Variants in CRYBG1 observed in about 807,000 individuals in gnomAD.
CRYBG1 encodes the protein beta/gamma crystallin domain-containing protein 1.
A neutral mutation model predicts 189.2 loss-of-function variants in CRYBG1; 139 were observed. That is an observed-to-expected ratio of 0.73 (90% CI 0.64 to 0.85). The LOEUF is 0.85. CRYBG1 is among the 40% of genes least tolerant of loss of function. The pLI is 0.00. For synonymous variants in CRYBG1, 1,023 were observed against 1,017.1 expected (o/e 1.01, Z -0.11); for missense variants, 2,611 against 2,675.8 (o/e 0.98, Z 0.53).
In CRYBG1 at chr6:106,512,865, A is replaced by T; in HGVS notation, c.1748A>T (p.Lys583Met). 1 of 1,590,850 alleles carries T rather than the reference A, an allele frequency of 6.3e-7. No homozygotes were observed. The highest frequency in any genetic ancestry group is 8.6e-7 in the Non-Finnish European group (1 of 1,168,982). ...AGCAGCTCGCTGCTGCCGGAGATCA[A>T]GCCCGAGCACAAGAGGGGCCCGCTC... ...VKSSSLLPEIKPEHKRGPLPN... is the reference protein window; with the variant it reads ...VKSSSLLPEIMPEHKRGPLPN... Residue 583 changes from lysine to methionine, a missense_variant, in exon 3 of 22, where the codon AAG (lysine) becomes ATG (methionine). Physicochemically the swap from Lys to Met is moderately conservative, Grantham distance 95 (BLOSUM62 -1). Around this residue, in one of 3 missense-constraint regions of CRYBG1, gnomAD observed 985 missense variants for 924.4 expected, o/e 1.07. Coordinates refer to ENST00000633556, the MANE Select transcript of CRYBG1 (RefSeq NM_001371242.2).
At chr6:106,384,002 G>T (rs1189610357) in intron 1 of CRYBG1, among the ~76,000 whole-genome samples, 1 of 152,214 alleles carries the variant, frequency 6.6e-6, no homozygotes, top group African/African-American at 2.4e-5. Context: ...AACAAAGCAA[G>T]TCTTCCTGCA....
chr6:106,398,700 A>G (rs1770662394), intron 1 of CRYBG1, among the ~76,000 whole-genome samples: 2 of 152,040 alleles, frequency 1.3e-5, no homozygotes, highest in African/African-American at 4.8e-5. Flanking sequence ...TATCTTTTCA[A>G]TGTGATCTTT....
chr6:106,504,028 A>AG (rs1491295611), intron 2 of CRYBG1, among the ~76,000 whole-genome samples: 30 of 70,972 alleles, frequency 4.2e-4, no homozygotes, highest in African/African-American at 1.5e-3. Context: ...TGACAGCATT[A>AG]GAAAAAAAAA....
intron 1 of CRYBG1, among the ~76,000 whole-genome samples, chr6:106,428,497 T>A (rs1771267853): frequency 6.6e-6 from 1 of 152,226 alleles, no homozygotes; most frequent in South Asian, 2.1e-4. Flanking sequence ...GGGAAACTTA[T>A]AAGAATTAAA....
intron 3 of CRYBG1, among the ~76,000 whole-genome samples, chr6:106,514,614 A>G (rs1307744263): frequency 1.3e-5 from 2 of 152,218 alleles, no homozygotes; most frequent in African/African-American, 4.8e-5. Context: ...AAAGCCTCCT[A>G]AATGTGAGCC....
At chr6:106,525,774 T>C (rs1378754581) in intron 6 of CRYBG1, among the ~76,000 whole-genome samples, 1 of 151,824 alleles carries the variant, frequency 6.6e-6, no homozygotes, top group African/African-American at 2.4e-5. Context: ...CAAAAACCTA[T>C]AAGGAAACTT....
intron 1 of CRYBG1, among the ~76,000 whole-genome samples, chr6:106,438,496 A>G (rs879579511): frequency 2.6e-5 from 4 of 151,972 alleles, no homozygotes; most frequent in Non-Finnish European, 5.9e-5. Flanking sequence ...CTAGCTTCCC[A>G]TGGCTGCTGG....
intron 4 of CRYBG1, among the ~76,000 whole-genome samples, chr6:106,524,690 A>G (rs1389484232): frequency 6.6e-6 from 1 of 152,256 alleles, no homozygotes; most frequent in Non-Finnish European, 1.5e-5. Context: ...TGAGAAAACA[A>G]TATTTATATG....
intron 2 of CRYBG1, among the ~76,000 whole-genome samples, chr6:106,462,796 A>G (rs1484280897): frequency 6.6e-6 from 1 of 152,226 alleles, no homozygotes; most frequent in Non-Finnish European, 1.5e-5. Flanking sequence ...ATGTTGTCTT[A>G]AGATTGAGTG....
chr6:106,539,254 G>T, intron 8 of CRYBG1, 149 bp from the exon 9 acceptor site: 1 of 835,330 alleles, frequency 1.2e-6, no homozygotes, highest in Non-Finnish European at 1.9e-6. Flanking sequence ...TGAGTCTAGT[G>T]TGATTCTAAC....
chr6:106,489,004 C>T (rs9373874), intron 2 of CRYBG1, among the ~76,000 whole-genome samples: 18,705 of 152,142 alleles, frequency 0.12, 1,337 homozygotes, highest in East Asian at 0.27. Context: ...AGACTCCCAG[C>T]AACTGTTCAC....
At chr6:106,396,269 A>T (rs1770605935) in intron 1 of CRYBG1, among the ~76,000 whole-genome samples, 1 of 152,204 alleles carries the variant, frequency 6.6e-6, no homozygotes, top group African/African-American at 2.4e-5. Context: ...AAACAGTATC[A>T]ACCACTGATT....
rs182555526 is a variant in CRYBG1 at position 106,548,784 on chromosome 6, G to A, written c.5313-3068G>A. ...ATACTTTAAGTTTTAGGGTACATGTGCACAACGTGCAGGTTAGTTACATAT... is the reference window on the plus strand; with the variant it reads ...ATACTTTAAGTTTTAGGGTACATGTACACAACGTGCAGGTTAGTTACATAT... On this transcript the variant is annotated intron_variant, in intron 13 of 21. Coordinates refer to ENST00000633556, the MANE Select transcript of CRYBG1 (RefSeq NM_001371242.2). Among the ~76,000 whole-genome samples, 719 of 151,162 alleles carry A rather than the reference G, an allele frequency of 4.8e-3. 5 individuals are homozygous for A. Among genetic ancestry groups the A allele is most frequent in the Non-Finnish European group, 7.7e-3 (521 of 67,852 alleles).
At chr6:106,466,123 C>G (rs1016971042) in intron 2 of CRYBG1, among the ~76,000 whole-genome samples, 1 of 152,130 alleles carries the variant, frequency 6.6e-6, no homozygotes, top group Non-Finnish European at 1.5e-5. Flanking sequence ...GTCTTCTCTA[C>G]CTTCATATTC....
chr6:106,517,389 C>CAT (rs67231488), intron 3 of CRYBG1, among the ~76,000 whole-genome samples: 44 of 132,866 alleles, frequency 3.3e-4, no homozygotes, highest in African/African-American at 1.1e-3. Flanking sequence ...CATATACACA[C>CAT]ATATATATAT....
At chr6:106,506,331 C>G (rs1276713426) in intron 2 of CRYBG1, among the ~76,000 whole-genome samples, 3 of 151,794 alleles carry the variant, frequency 2.0e-5, no homozygotes, top group African/African-American at 7.3e-5. Context: ...TTTTCCTGTT[C>G]TCAAGGAGCT....
chr6:106,520,412 C>G lies in CRYBG1; in HGVS notation c.3204C>G (p.Ala1068=). The G allele has an allele frequency of 6.2e-7, 1 of 1,614,176 alleles. No homozygotes were observed. The change falls in exon 4 of 22, where the codon GCC becomes GCG. Residue 1068 remains alanine (A), a synonymous_variant. Transcript: ENST00000633556. ...TNSPSSGNHL[A]TPQRPDQTVT... The stretch of plus-strand genomic sequence containing the variant: ...CTCCCAGCAGCGGAAATCACTTAGC[C>G]ACTCCTCAAAGGCCAGATCAGACTG...
At chr6:106,453,064 C>T (rs1488098089) in intron 2 of CRYBG1, among the ~76,000 whole-genome samples, 1 of 152,164 alleles carries the variant, frequency 6.6e-6, no homozygotes, top group African/African-American at 2.4e-5. Flanking sequence ...AGAAAGAGTT[C>T]TGGAGATTGG....
rs1247862680 is a variant in CRYBG1, at chr6:106,519,156, C to G, written c.1948C>G (p.Leu650Val). 1 of 1,613,764 alleles carries G rather than the reference C, an allele frequency of 6.2e-7. No homozygotes were observed. The highest frequency in any genetic ancestry group is 1.7e-5 in the Admixed American group (1 of 59,988). Residue 650 changes from leucine to valine, a missense_variant, in exon 4 of 22, where the codon CTA (leucine) becomes GTA (valine). Leu to Val is a conservative substitution (Grantham distance 32, BLOSUM62 1). Coordinates refer to ENST00000633556, the MANE Select transcript of CRYBG1 (RefSeq NM_001371242.2). ...TLPAKPKHVELNLKTPKNLDS... is the reference protein window; with the variant it reads ...TLPAKPKHVEVNLKTPKNLDS... ...CCCTGCCAAGCCCAAACATGTGGAACTAAATCTTAAAACCCCTAAGAATCT... is the reference window on the plus strand; with the variant it reads ...CCCTGCCAAGCCCAAACATGTGGAAGTAAATCTTAAAACCCCTAAGAATCT...
Sources: allele counts gnomAD v4.1 joint callset (sites outside exome capture counted in the v4.1 genomes callset), GRCh38; gene constraint gnomAD v4.1.1; regional missense constraint gnomAD v4.1.1; transcripts MANE v1.5; gene names NCBI Gene and HGNC (gene_info 2026-07-23, HGNC 2026-07-21).